The following PCDH17 variants were observed in gnomAD, a reference collection of about 807,000 sequenced individuals.
PCDH17 encodes protocadherin 17.
A neutral mutation model predicts 67.7 loss-of-function variants in PCDH17; 21 were observed. The ratio of observed to expected loss-of-function variants is 0.31; its 90% CI spans 0.22 to 0.45. The LOEUF (loss-of-function observed/expected upper bound fraction) is 0.45. Among genes scored for constraint, PCDH17 ranks in the 20% least tolerant of loss-of-function variants. The pLI is 1.00. For synonymous variants in PCDH17, 701 were observed against 656.7 expected (o/e 1.07, Z -1.03); for missense variants, 1,471 against 1,564.8 (o/e 0.94, Z 1.01).
At chr13:57,691,071 A>T (rs1005051649) in intron 3 of PCDH17, among the ~76,000 whole-genome samples, 4 of 151,468 alleles carry the variant, frequency 2.6e-5, no homozygotes, top group African/African-American at 9.7e-5. Flanking sequence ...TGCTCATTGG[A>T]AGTATAATAA....
intron 3 of PCDH17, among the ~76,000 whole-genome samples, chr13:57,693,644 G>C (rs931366667): frequency 6.6e-6 from 1 of 150,418 alleles, no homozygotes; most frequent in Non-Finnish European, 1.5e-5. Flanking sequence ...AAAAATGATT[G>C]CATGATTTTA....
At chr13:57,635,203 G>C (rs1189829296) in intron 1 of PCDH17, 92 bp downstream of exon 1, 1 of 1,292,924 alleles carries the variant, frequency 7.7e-7, no homozygotes, top group Non-Finnish European at 1.1e-6. Flanking sequence ...CACTCTGCCA[G>C]CAGCAGTGAG....
At chr13:57,680,890 T>G (rs1280363287) in intron 3 of PCDH17, among the ~76,000 whole-genome samples, 1 of 151,782 alleles carries the variant, frequency 6.6e-6, no homozygotes, top group Non-Finnish European at 1.5e-5. Flanking sequence ...ACTTCTATGT[T>G]AAATATAATT....
intron 1 of PCDH17, among the ~76,000 whole-genome samples, chr13:57,636,564 T>C (rs1033592005): frequency 2.1e-4 from 32 of 152,134 alleles, no homozygotes; most frequent in African/African-American, 7.0e-4. Flanking sequence ...TAGTATTAAA[T>C]CTCACTTCTA....
chr13:57,648,170 T>C (rs576446132), intron 1 of PCDH17, among the ~76,000 whole-genome samples: 1 of 151,846 alleles, frequency 6.6e-6, no homozygotes, highest in African/African-American at 2.4e-5. Context: ...ATAGAAAGGC[T>C]CTAGGAGTGA....
At chr13:57,685,355 A>T (rs1336910969) in intron 3 of PCDH17, among the ~76,000 whole-genome samples, 1 of 151,966 alleles carries the variant, frequency 6.6e-6, no homozygotes, top group Non-Finnish European at 1.5e-5. Context: ...TCAAAATGCT[A>T]TACATTCTTT....
rs140317885 is a variant in PCDH17, at chr13:57,696,103, A to C, written c.2798-28509A>C. ...GTGTGTGAACCCTGTAACTCTGTACATATGATAACGTAACGGTTGTTCTTA... is the reference window on the plus strand; with the variant it reads ...GTGTGTGAACCCTGTAACTCTGTACCTATGATAACGTAACGGTTGTTCTTA... On this transcript the variant is annotated intron_variant, in intron 3 of 3. Coordinates refer to ENST00000377918, the MANE Select transcript of PCDH17 (RefSeq NM_001040429.3). 1.6e-4 allele frequency among the ~76,000 whole-genome samples: 25 copies of C among 151,534 alleles called. No homozygotes were observed. In the East Asian group the frequency reaches 4.5e-3, roughly 27 times the overall value.
At chr13:57,654,401 G>T (rs1261364059) in intron 1 of PCDH17, among the ~76,000 whole-genome samples, 4 of 149,682 alleles carry the variant, frequency 2.7e-5, no homozygotes, top group Non-Finnish European at 6.0e-5. Flanking sequence ...TATTTCTTAA[G>T]TTTTTTTTTT....
At position 57,633,642 on chromosome 13, in the gene PCDH17, C is replaced by A; in HGVS notation, c.1096C>A (p.Pro366Thr). ...CCAGGGGGCGCTGAGCGAGGCCGCC[C>A]CTCCCGGCACCGTCATCGCCCTGGT... ...VRQGALSEAA[P>T]PGTVIALVRV... Residue 366 changes from proline (P) to threonine (T), a missense_variant, in exon 1 of 4, where the codon CCT becomes ACT. Around this residue, in one of 3 missense-constraint regions of PCDH17, gnomAD observed 1,163 missense variants for 1,230.0 expected, o/e 0.95. Transcript: ENST00000377918. The surrounding 1 kb of genome is among the most constrained non-coding windows in gnomAD (Gnocchi z 6.2). The A allele has an allele frequency of 6.2e-7, 1 of 1,608,684 alleles. No homozygotes were observed. Among genetic ancestry groups the A allele is most frequent in the East Asian group, 2.2e-5 (1 of 44,860 alleles).
chr13:57,667,892 TA>T (rs1955274219), intron 3 of PCDH17, among the ~76,000 whole-genome samples: 2 of 148,374 alleles, frequency 1.3e-5, no homozygotes, highest in African/African-American at 2.4e-5. Flanking sequence ...TATTTATATA[TA>T]TTTTTTAAAA....
At position 57,728,585 on chromosome 13, in the gene PCDH17, TGTTA is replaced by T. The variant is rs1482480402; in HGVS notation, c.*3296_*3299del. 1 of 150,784 alleles carries T rather than the reference TGTTA, an allele frequency of 6.6e-6. No individual in the cohort carries two copies. Among genetic ancestry groups the T allele is most frequent in the African/African-American group, 2.4e-5 (1 of 41,070 alleles). 9.3% of individuals were successfully genotyped at this position (150,784 alleles called of 1,614,324 possible). ...ATCAGAGTTAAAAGTAGTGAGAATCTGTTAGTTATACGTATACCAAAGTAAACAT... is the reference window on the plus strand; with the variant it reads ...ATCAGAGTTAAAAGTAGTGAGAATCTGTTATACGTATACCAAAGTAAACAT... On this transcript the variant is annotated 3_prime_UTR_variant, in exon 4 of 4. Coordinates refer to ENST00000377918, the MANE Select transcript of PCDH17 (RefSeq NM_001040429.3).
chr13:57,707,961 AG>A (rs1393852296), intron 3 of PCDH17, among the ~76,000 whole-genome samples: 1 of 152,006 alleles, frequency 6.6e-6, no homozygotes, highest in Non-Finnish European at 1.5e-5. Context: ...TTTCCAAATA[AG>A]GTCATATTCT....
rs543868626 is a variant in PCDH17, at chr13:57,641,505, A to G, written c.2565+6394A>G. Among the ~76,000 whole-genome samples, 5 of 136,026 alleles carry G rather than the reference A, an allele frequency of 3.7e-5. No individual in the cohort carries two copies. The South Asian group carries it at 1.2e-3, about 32-fold the overall frequency. 89.2% of individuals were successfully genotyped at this position (136,026 alleles called of 152,430 possible). On this transcript the variant is annotated intron_variant, in intron 1 of 3. Transcript: ENST00000377918. ...TGGGTGGCATCCTTTGCTTGTATGT[A>G]CCAAGTTCTTCCGGGGATAGACTAT...
chr13:57,681,227 T>G (rs1442980852), intron 3 of PCDH17, among the ~76,000 whole-genome samples: 4 of 151,734 alleles, frequency 2.6e-5, no homozygotes, highest in Non-Finnish European at 5.9e-5. Context: ...TTTACTTATT[T>G]ACAATCTTAG....
chr13:57,639,245 C>CT (rs1326568729), intron 1 of PCDH17, among the ~76,000 whole-genome samples: 1 of 151,722 alleles, frequency 6.6e-6, no homozygotes, highest in Non-Finnish European at 1.5e-5. Context: ...TTACATATTT[C>CT]TTTTTCTGTT....
chr13:57,701,500 G>A (rs935752060), intron 3 of PCDH17, among the ~76,000 whole-genome samples: 3 of 149,552 alleles, frequency 2.0e-5, no homozygotes, highest in Admixed American at 6.8e-5. Flanking sequence ...ACAACTGCTA[G>A]AAGTATTTGA....
chr13:57,633,610 C>G lies in PCDH17; in HGVS notation c.1064C>G (p.Ser355Cys). 1 of 1,612,094 alleles carries G rather than the reference C, an allele frequency of 6.2e-7. No individual in the cohort carries two copies. Among genetic ancestry groups the G allele is most frequent in the Non-Finnish European group, 8.5e-7 (1 of 1,180,040 alleles). The change falls in exon 1 of 4, where the codon TCC becomes TGC. Residue 355 changes from serine (S) to cysteine (C), a missense_variant. This residue lies in a region of PCDH17 where 1,163 missense variants were observed against 1,230.0 expected (regional missense o/e 0.95). Coordinates refer to ENST00000377918, the MANE Select transcript of PCDH17 (RefSeq NM_001040429.3). This position sits in a 1 kb window ranked among gnomAD's most constrained non-coding sequence, Gnocchi z 6.2. ...NDNAPSIGFVSVRQGALSEAA... is the reference protein window; with the variant it reads ...NDNAPSIGFVCVRQGALSEAA... The stretch of plus-strand genomic sequence containing the variant: ...AATGCGCCGTCCATCGGTTTCGTCT[C>G]CGTGCGCCAGGGGGCGCTGAGCGAG...
intron 1 of PCDH17, among the ~76,000 whole-genome samples, chr13:57,658,818 C>T (rs534952079): frequency 2.8e-5 from 4 of 142,064 alleles, no homozygotes; most frequent in Admixed American, 2.0e-4. Flanking sequence ...CTTGCTGTGT[C>T]GCCCAGGCTG....
rs962372410 is a variant in PCDH17, at chr13:57,645,107, C to G, written c.2565+9996C>G. 2.2e-5 allele frequency among the ~76,000 whole-genome samples: 3 copies of G among 138,860 alleles called. No individual in the cohort carries two copies. The Admixed American group carries it at 2.2e-4, about 10-fold the overall frequency. The allele number at this position is 138,860 out of a possible 152,430, so 91.1% of individuals were successfully genotyped here. ...TTTCTTTTTGTAGTTGTTGTGTGTA[C>G]TCTTTTCTTAATAAAGATTTAATTG... On this transcript the variant is annotated intron_variant, in intron 1 of 3. Coordinates refer to ENST00000377918, the MANE Select transcript of PCDH17 (RefSeq NM_001040429.3).
Sources: gnomAD v4.1 joint callset for allele counts (sites outside exome capture counted in the v4.1 genomes callset) on GRCh38, gnomAD v4.1.1 for gene constraint, gnomAD v4.1.1 regional missense constraint, Gnocchi (gnomAD v3.1) non-coding constraint, MANE v1.5 for transcripts, NCBI Gene and HGNC (gene_info 2026-07-23, HGNC 2026-07-21) for gene names.